Variants in PTPRD observed in about 807,000 individuals in gnomAD.
The protein encoded by PTPRD is protein tyrosine phosphatase receptor type D.
In PTPRD, 34 loss-of-function variants were observed where a neutral mutation model predicts 214.5. The observed-to-expected ratio is 0.16, with a 90% CI of 0.12 to 0.21. The LOEUF is 0.21. Ranked by LOEUF, PTPRD falls within the 10% of genes least tolerant of loss-of-function variation. The probability of loss-of-function intolerance (pLI) is 1.00; values close to 1 mark genes in which losing one functional copy is unlikely to be tolerated. For missense variants in PTPRD, 2,545 were observed against 2,398.7 expected, an observed-to-expected ratio of 1.06 and a Z score of -1.27; for synonymous variants, 1,128 against 845.7, an observed-to-expected ratio of 1.33 and a Z score of -5.79.
intron 3 of PTPRD, among the ~76,000 whole-genome samples, chr9:10,068,865 A>G (rs2097936201): frequency 6.6e-6 from 1 of 151,966 alleles, no homozygotes; most frequent in African/African-American, 2.4e-5. Context: ...GCCCTTTTAA[A>G]TGCACCCTAC....
At chr9:8,749,612 G>A (rs1290752210) in intron 11 of PTPRD, among the ~76,000 whole-genome samples, 1 of 152,198 alleles carries the variant, frequency 6.6e-6, no homozygotes, top group African/African-American at 2.4e-5. Flanking sequence ...AACACATAGA[G>A]AAGACACTGT....
Position 8,504,243 on chromosome 9 carries a change from G to C in PTPRD, c.1822+18C>G, listed in dbSNP as rs2137211572. ...GAGGAAATAAAAAGGCAGAAAGTAA[G>C]CAAAGAGAGACACCTACTTGACTGC... is the stretch of plus-strand genomic sequence containing the variant. On this transcript the variant is annotated intron_variant, in intron 23 of 45. Coordinates refer to ENST00000381196, the MANE Select transcript of PTPRD (RefSeq NM_002839.4). 1.2e-6 allele frequency: 2 copies of C among 1,613,626 alleles called. No individual in the cohort carries two copies. Among genetic ancestry groups the C allele is most frequent in the Non-Finnish European group, 1.7e-6 (2 of 1,179,726 alleles).
chr9:8,534,602 G>GT (rs2076481138), intron 14 of PTPRD, among the ~76,000 whole-genome samples: 1 of 148,480 alleles, frequency 6.7e-6, no homozygotes, highest in Non-Finnish European at 1.5e-5. Context: ...AATATGCAGC[G>GT]TATTTTTAAA....
Position 9,152,918 on chromosome 9 carries a change from T to A in PTPRD, c.-143+30386A>T, listed in dbSNP as rs531454698. Among the ~76,000 whole-genome samples the A allele has an allele frequency of 3.6e-4, 55 of 152,262 alleles. No individual in the cohort carries two copies. The East Asian group carries it at 7.6e-3, about 21-fold the overall frequency. ...ACTTGTGAATTAAGAATCAAATGTA[T>A]CTTTCTTTGGCCCAGTACTGACACA... On this transcript the variant is annotated intron_variant, in intron 10 of 45. Coordinates refer to ENST00000381196, the MANE Select transcript of PTPRD (RefSeq NM_002839.4).
rs892026264 is a variant in PTPRD, at chr9:8,815,539, C to G, written c.-103-81593G>C. On this transcript the variant is annotated intron_variant, in intron 11 of 45. Coordinates refer to ENST00000381196, the MANE Select transcript of PTPRD (RefSeq NM_002839.4). ...CTAACATTTACTCATCAAAATAAAACAAAAACTCCAATATAATCATGTCAC... is the reference window on the plus strand; with the variant it reads ...CTAACATTTACTCATCAAAATAAAAGAAAAACTCCAATATAATCATGTCAC... Among the ~76,000 whole-genome samples, 3 of 152,078 alleles carry G rather than the reference C, an allele frequency of 2.0e-5. No individual in the cohort carries two copies. The South Asian group carries it at 6.2e-4, about 32-fold the overall frequency.
intron 9 of PTPRD, among the ~76,000 whole-genome samples, chr9:9,372,131 G>T (rs370844100): frequency 6.6e-6 from 1 of 151,980 alleles, no homozygotes; most frequent in Admixed American, 6.6e-5. Context: ...TATTAGGTCC[G>T]CTTGGTGCAG....
chr9:9,812,848 G>A lies in PTPRD; in HGVS notation c.-367-45997C>T, dbSNP rs556716766. ...GAAGACACATTCTTCTCAAGTGTAC[G>A]CAGAATATTCTCCAGGGTATATTGT... On this transcript the variant is annotated intron_variant, in intron 5 of 45. Coordinates refer to ENST00000381196, the MANE Select transcript of PTPRD (RefSeq NM_002839.4). Among the ~76,000 whole-genome samples, 122 of 152,176 alleles carry A rather than the reference G, an allele frequency of 8.0e-4. 2 individuals are homozygous for A. The South Asian group carries it at 0.012, about 15-fold the overall frequency.
chr9:10,244,322 G>C (rs1379657297), intron 3 of PTPRD, among the ~76,000 whole-genome samples: 2 of 152,054 alleles, frequency 1.3e-5, no homozygotes, highest in Admixed American at 6.6e-5. Flanking sequence ...CAGAGATATT[G>C]ATTTATGCAG....
intron 9 of PTPRD, among the ~76,000 whole-genome samples, chr9:9,196,479 T>C (rs2099938710): frequency 6.6e-6 from 1 of 152,218 alleles, no homozygotes; most frequent in African/African-American, 2.4e-5. Context: ...TCATACACTC[T>C]TTTATAAGGA....
chr9:9,370,740 C>G (rs990861342), intron 9 of PTPRD, among the ~76,000 whole-genome samples: 2 of 152,050 alleles, frequency 1.3e-5, no homozygotes, highest in Non-Finnish European at 2.9e-5. Context: ...ATGATATTGG[C>G]GGTGGGTTTG....
At chr9:10,503,139 A>T (rs946626301) in intron 2 of PTPRD, among the ~76,000 whole-genome samples, 1 of 136,444 alleles carries the variant, frequency 7.3e-6, no homozygotes, top group African/African-American at 2.7e-5. Context: ...GAATTAAAAG[A>T]ATGGTTATCT....
chr9:8,887,954 G>T (rs969345700), intron 11 of PTPRD, among the ~76,000 whole-genome samples: 1 of 152,162 alleles, frequency 6.6e-6, no homozygotes, highest in African/African-American at 2.4e-5. Flanking sequence ...ACAGCTTCCA[G>T]TGCATTTAAC....
chr9:9,386,076 A>G (rs974017698), intron 9 of PTPRD, among the ~76,000 whole-genome samples: 1 of 152,136 alleles, frequency 6.6e-6, no homozygotes, highest in African/African-American at 2.4e-5. Context: ...TCCTACTACA[A>G]AAAGAGGCAA....
intron 11 of PTPRD, among the ~76,000 whole-genome samples, chr9:8,765,684 G>C (rs537126748): frequency 6.6e-6 from 1 of 152,292 alleles, no homozygotes; most frequent in Admixed American, 6.5e-5. Flanking sequence ...CACAGAAGCT[G>C]TGAGATAATA....
chr9:9,924,394 T>C (rs1037624581), intron 5 of PTPRD, among the ~76,000 whole-genome samples: 2 of 152,078 alleles, frequency 1.3e-5, no homozygotes, highest in Admixed American at 1.3e-4. Flanking sequence ...CATTATTCTG[T>C]TGCTGTTATT....
chr9:10,069,726 T>G (rs2097958746), intron 3 of PTPRD, among the ~76,000 whole-genome samples: 1 of 151,924 alleles, frequency 6.6e-6, no homozygotes. Context: ...ATTCTTAGTT[T>G]TAGGGAAAAA....
chr9:10,066,281 C>T (rs1019896845), intron 3 of PTPRD, among the ~76,000 whole-genome samples: 4 of 151,660 alleles, frequency 2.6e-5, no homozygotes, highest in African/African-American at 9.7e-5. Context: ...TAACCACTAT[C>T]CTGAAAATAT....
At chr9:8,544,541 T>C (rs1199776401) in intron 14 of PTPRD, among the ~76,000 whole-genome samples, 1 of 148,526 alleles carries the variant, frequency 6.7e-6, no homozygotes, top group Non-Finnish European at 1.5e-5. Context: ...GTGATCTCGG[T>C]TCACTGCAAC....
chr9:9,976,924 A>G (rs895435000), intron 4 of PTPRD, among the ~76,000 whole-genome samples: 4 of 152,086 alleles, frequency 2.6e-5, no homozygotes, highest in African/African-American at 9.7e-5. Flanking sequence ...GTTTGGCAAT[A>G]AGGATTAACT....
Sources: gnomAD v4.1 joint callset for allele counts (sites outside exome capture counted in the v4.1 genomes callset) on GRCh38, gnomAD v4.1.1 for gene constraint, MANE v1.5 for transcripts, NCBI Gene and HGNC (gene_info 2026-07-23, HGNC 2026-07-21) for gene names.